The following NR3C2 variants were observed in gnomAD, a reference collection of about 807,000 sequenced individuals.
The protein encoded by NR3C2 is nuclear receptor subfamily 3 group C member 2, also known as mineralocorticoid receptor.
In NR3C2, 15 loss-of-function variants were observed where a neutral mutation model predicts 86.4. That is an observed-to-expected ratio of 0.17 (90% CI 0.12 to 0.27). NR3C2 has a LOEUF of 0.27. NR3C2 is among the 10% of genes least tolerant of loss of function. The pLI, the probability that NR3C2 is intolerant of heterozygous loss-of-function variation, is 1.00. For synonymous variants in NR3C2, 458 were observed against 450.5 expected, an observed-to-expected ratio of 1.02 and a Z score of -0.21; for missense variants, 960 against 1,195.6, an observed-to-expected ratio of 0.80 and a Z score of 2.91.
intron 3 of NR3C2, among the ~76,000 whole-genome samples, chr4:148,218,566 T>A (rs1011609512): frequency 1.3e-5 from 2 of 152,170 alleles, no homozygotes; most frequent in Non-Finnish European, 2.9e-5. Context: ...TTTCCCCATT[T>A]TAAGTGCCCA....
At chr4:148,285,331 T>C (rs984404386) in intron 2 of NR3C2, among the ~76,000 whole-genome samples, 6 of 152,218 alleles carry the variant, frequency 3.9e-5, no homozygotes, top group African/African-American at 1.4e-4. Context: ...TGGAGTTGTA[T>C]AAATTCTACT....
chr4:148,243,399 T>C (rs1243784552), intron 3 of NR3C2, among the ~76,000 whole-genome samples: 3 of 152,154 alleles, frequency 2.0e-5, no homozygotes, highest in African/African-American at 7.2e-5. Context: ...AGACCACTAA[T>C]ATGCTCTTTA....
upstream of NR3C2, chr4:148,444,714 C>G: frequency 1.0e-6 from 1 of 985,294 alleles, no homozygotes. Flanking sequence ...TGTTACCCTA[C>G]AAGAGGCGGC....
rs1186616280 is a variant in NR3C2 at position 148,404,121 on chromosome 4, T to G, written c.1757+30983A>C. ...GTCTGCTCTTCTGATGCTTTTTATT[T>G]GGAACTATTTTGTAAAGTAAAAATT... On this transcript the variant is annotated intron_variant, in intron 2 of 8. Transcript: ENST00000358102. 6.6e-5 allele frequency among the ~76,000 whole-genome samples: 10 copies of G among 152,240 alleles called. No individual in the cohort carries two copies. In the East Asian group the frequency reaches 1.4e-3, roughly 21 times the overall value.
At chr4:148,314,650 G>C (rs562858829) in intron 2 of NR3C2, among the ~76,000 whole-genome samples, 1 of 152,158 alleles carries the variant, frequency 6.6e-6, no homozygotes, top group East Asian at 1.9e-4. Context: ...TCCTAGAAAG[G>C]ATAACTTCAC....
chr4:148,206,853 C>T (rs965941836), intron 3 of NR3C2, among the ~76,000 whole-genome samples: 4 of 152,126 alleles, frequency 2.6e-5, no homozygotes, highest in African/African-American at 9.7e-5. Context: ...AAGACTCAGG[C>T]TTGTGGGCTA....
chr4:148,333,536 T>TAAAAAAAA (rs372805275), intron 2 of NR3C2, among the ~76,000 whole-genome samples: 2 of 151,676 alleles, frequency 1.3e-5, no homozygotes, highest in East Asian at 3.9e-4. Flanking sequence ...AAAGTCTCCT[T>TAAAAAAAA]AAAATCTCCC....
chr4:148,396,212 T>C (rs527740851), intron 2 of NR3C2, among the ~76,000 whole-genome samples: 12 of 152,338 alleles, frequency 7.9e-5, no homozygotes, highest in African/African-American at 2.6e-4. Context: ...GAACCTATCA[T>C]ATGCAATATT....
At chr4:148,349,013 C>G (rs1745139019) in intron 2 of NR3C2, among the ~76,000 whole-genome samples, 1 of 152,026 alleles carries the variant, frequency 6.6e-6, no homozygotes, top group Non-Finnish European at 1.5e-5. Context: ...GAAAATAGCT[C>G]TAGAAAGAAG....
intron 3 of NR3C2, among the ~76,000 whole-genome samples, chr4:148,256,104 A>G (rs1405851432): frequency 1.3e-5 from 2 of 152,176 alleles, no homozygotes; most frequent in Non-Finnish European, 2.9e-5. Context: ...GAGACTCCCA[A>G]CTGTGGGACT....
chr4:148,226,860 G>A (rs998252267), intron 3 of NR3C2, among the ~76,000 whole-genome samples: 4 of 152,056 alleles, frequency 2.6e-5, no homozygotes, highest in African/African-American at 4.8e-5. Context: ...TTTTTAAAAT[G>A]TGCTTATTGG....
intron 2 of NR3C2, among the ~76,000 whole-genome samples, chr4:148,313,844 A>G (rs957204455): frequency 2.0e-5 from 3 of 152,228 alleles, no homozygotes; most frequent in Non-Finnish European, 2.9e-5. Context: ...ACAGTATTAT[A>G]AAACTAAGAT....
chr4:148,146,677 C>T (rs1733885392), intron 6 of NR3C2: 2 of 152,236 alleles, frequency 1.3e-5, no homozygotes, highest in East Asian at 1.9e-4. Flanking sequence ...TCACCTTCAT[C>T]CCAGAGAGAC....
chr4:148,259,843 T>C (rs1740008305), intron 3 of NR3C2, 135 bp downstream of exon 3: 1 of 1,132,000 alleles, frequency 8.8e-7, no homozygotes, highest in African/African-American at 1.5e-5. Context: ...TACAAGGCAC[T>C]ATTACTGTTT....
At chr4:148,357,552 T>C (rs1475500097) in intron 2 of NR3C2, among the ~76,000 whole-genome samples, 4 of 152,158 alleles carry the variant, frequency 2.6e-5, no homozygotes, top group Admixed American at 2.6e-4. Context: ...ATGCTACACA[T>C]ATTCCTCCAA....
intron 6 of NR3C2, among the ~76,000 whole-genome samples, chr4:148,134,175 T>C (rs1375230832): frequency 2.0e-5 from 3 of 152,234 alleles, no homozygotes; most frequent in African/African-American, 7.2e-5. Flanking sequence ...TCGTTTCTTA[T>C]TACTGATTCT....
chr4:148,362,598 A>G (rs924954855), intron 2 of NR3C2, among the ~76,000 whole-genome samples: 8 of 152,168 alleles, frequency 5.3e-5, no homozygotes, highest in Admixed American at 1.3e-4. Context: ...ATCTGCTCAA[A>G]AGTTACAGAG....
At chr4:148,191,717 A>G (rs1000239740) in intron 4 of NR3C2, among the ~76,000 whole-genome samples, 1 of 152,204 alleles carries the variant, frequency 6.6e-6, no homozygotes, top group African/African-American at 2.4e-5. Context: ...GGATTGGGTT[A>G]ATTTAAAGAC....
chr4:148,309,746 C>T (rs946988332), intron 2 of NR3C2, among the ~76,000 whole-genome samples: 25 of 152,192 alleles, frequency 1.6e-4, no homozygotes, highest in African/African-American at 6.0e-4. Context: ...TCTCATTTTA[C>T]AGACCTTGAA....
Sources: allele counts gnomAD v4.1 joint callset (sites outside exome capture counted in the v4.1 genomes callset), GRCh38; gene constraint gnomAD v4.1.1; transcripts MANE v1.5; gene names NCBI Gene and HGNC (gene_info 2026-07-23, HGNC 2026-07-21).